ARSB: variants seen among roughly 807,000 people sequenced by gnomAD.
The protein encoded by ARSB is arylsulfatase B, also known as N-acetylgalactosamine-4-sulfatase.
In ARSB, 41 loss-of-function variants were observed where a neutral mutation model predicts 50.9. That is an observed-to-expected ratio of 0.81 (90% CI 0.63 to 1.04). The LOEUF is 1.04. Among genes scored for constraint, ARSB ranks in the 50% least tolerant of loss-of-function variants. The pLI is 0.00. For missense variants in ARSB, 672 were observed against 693.3 expected, an observed-to-expected ratio of 0.97 and a Z score of 0.35; for synonymous variants, 269 against 284.8, an observed-to-expected ratio of 0.94 and a Z score of 0.56.
At chr5:78,786,755 G>A (rs977347192) in intron 6 of ARSB, among the ~76,000 whole-genome samples, 6 of 152,122 alleles carry the variant, frequency 3.9e-5, no homozygotes, top group African/African-American at 1.4e-4. Flanking sequence ...GAATAGCGGG[G>A]ACTACAGGCA....
chr5:78,984,269 A>G (rs979095220), intron 1 of ARSB, among the ~76,000 whole-genome samples: 1 of 152,244 alleles, frequency 6.6e-6, no homozygotes, highest in South Asian at 2.1e-4. Context: ...GCCATCTAAC[A>G]TCTATGCACG....
At chr5:78,982,876 G>T (rs989302501) in intron 1 of ARSB, among the ~76,000 whole-genome samples, 1 of 152,168 alleles carries the variant, frequency 6.6e-6, no homozygotes, top group Admixed American at 6.5e-5. Context: ...GGCTGCTTTA[G>T]AATCAGCTAC....
At chr5:78,914,555 C>A (rs1749455821) in intron 4 of ARSB, among the ~76,000 whole-genome samples, 1 of 152,194 alleles carries the variant, frequency 6.6e-6, no homozygotes, top group Non-Finnish European at 1.5e-5. Flanking sequence ...AATGTGACCA[C>A]CAATCCTTCT....
intron 4 of ARSB, among the ~76,000 whole-genome samples, chr5:78,926,299 CT>C (rs1750047246): frequency 6.6e-6 from 1 of 152,176 alleles, no homozygotes; most frequent in African/African-American, 2.4e-5. Context: ...GAAAGGCTTT[CT>C]TTCCCCATTC....
intron 4 of ARSB, among the ~76,000 whole-genome samples, chr5:78,911,824 G>A (rs1384753408): frequency 6.6e-6 from 1 of 152,126 alleles, no homozygotes; most frequent in Non-Finnish European, 1.5e-5. Flanking sequence ...ATGAGGTCAA[G>A]ATAGATTAAA....
chr5:78,841,168 C>A (rs6871828), intron 5 of ARSB, among the ~76,000 whole-genome samples: 43,182 of 131,420 alleles, frequency 0.33, 6,992 homozygotes, highest in Non-Finnish European at 0.36. Flanking sequence ...ACTACTACTA[C>A]TAATAATAAT....
chr5:78,830,241 A>T (rs1390226323), intron 6 of ARSB, among the ~76,000 whole-genome samples: 1 of 152,200 alleles, frequency 6.6e-6, no homozygotes, highest in Non-Finnish European at 1.5e-5. Context: ...CCCTGGGGAA[A>T]AAAAAACAAA....
At chr5:78,911,489 G>A (rs1366435238) in intron 4 of ARSB, among the ~76,000 whole-genome samples, 16 of 142,568 alleles carry the variant, frequency 1.1e-4, no homozygotes, top group Middle Eastern at 3.4e-3. Flanking sequence ...CACTAGAATC[G>A]CTTGAAACCA....
intron 6 of ARSB, among the ~76,000 whole-genome samples, chr5:78,834,756 T>C (rs35036564): frequency 0.23 from 34,018 of 150,714 alleles, 4,208 homozygotes; most frequent in Non-Finnish European, 0.27. Flanking sequence ...AGTGTACAAA[T>C]ACCTGTTCAA....
chr5:78,908,147 T>A (rs4704535), intron 4 of ARSB, among the ~76,000 whole-genome samples: 48,938 of 151,912 alleles, frequency 0.32, 8,339 homozygotes, highest in African/African-American at 0.43. Flanking sequence ...TGCAACGTTA[T>A]TGCTCACCTG....
At chr5:78,826,147 AG>A (rs1421986435) in intron 6 of ARSB, among the ~76,000 whole-genome samples, 2 of 151,910 alleles carry the variant, frequency 1.3e-5, no homozygotes, top group Non-Finnish European at 2.9e-5. Context: ...CCTGAGTTCA[AG>A]GGATTCTTCT....
chr5:78,907,152 C>T (rs143637905), intron 4 of ARSB, among the ~76,000 whole-genome samples: 128 of 152,250 alleles, frequency 8.4e-4, no homozygotes, highest in East Asian at 4.6e-3. Flanking sequence ...ACACGGAGGC[C>T]GTTCAAGCCC....
intron 6 of ARSB, among the ~76,000 whole-genome samples, chr5:78,830,038 G>A (rs1168546310): frequency 6.6e-6 from 1 of 152,238 alleles, no homozygotes; most frequent in East Asian, 1.9e-4. Flanking sequence ...CACTGGACCT[G>A]AGAGGGACTG....
At chr5:78,977,162 TC>T (rs1044853505) in intron 1 of ARSB, among the ~76,000 whole-genome samples, 1 of 141,282 alleles carries the variant, frequency 7.1e-6, no homozygotes, top group African/African-American at 3.0e-5. Context: ...TTTCCCCACT[TC>T]CCCCCCGCGA....
At chr5:78,968,315 TTTATTATTATTATTATTA>T (rs138887783) in intron 2 of ARSB, among the ~76,000 whole-genome samples, 30 of 143,166 alleles carry the variant, frequency 2.1e-4, no homozygotes, top group Middle Eastern at 3.6e-3. Flanking sequence ...CATTTTTTAT[TTTATTATTATTATTATTA>T]TTATTATTAT....
chr5:78,970,245 CAT>C (rs1361356674), intron 1 of ARSB, among the ~76,000 whole-genome samples: 4 of 151,934 alleles, frequency 2.6e-5, no homozygotes, highest in African/African-American at 9.7e-5. Context: ...AATAATATAT[CAT>C]AACAGGTTAA....
intron 2 of ARSB, among the ~76,000 whole-genome samples, chr5:78,966,570 G>A (rs1752214626): frequency 6.6e-6 from 1 of 152,224 alleles, no homozygotes; most frequent in Middle Eastern, 3.2e-3. Context: ...GAAGAGCTGT[G>A]TGGTCATCAT....
intron 6 of ARSB, among the ~76,000 whole-genome samples, chr5:78,784,896 T>C (rs1349378767): frequency 6.6e-6 from 1 of 151,728 alleles, no homozygotes; most frequent in Non-Finnish European, 1.5e-5. Flanking sequence ...CCTCTGGAGT[T>C]CAAGCAATTC....
chr5:78,938,624 A>G (rs1298629166), intron 4 of ARSB, among the ~76,000 whole-genome samples: 2 of 152,210 alleles, frequency 1.3e-5, no homozygotes, highest in African/African-American at 4.8e-5. Context: ...CAGAATTTCT[A>G]TAATATTTTA....
Sources: allele counts gnomAD v4.1 joint callset (sites outside exome capture counted in the v4.1 genomes callset), GRCh38; gene constraint gnomAD v4.1.1; transcripts MANE v1.5; gene names NCBI Gene and HGNC (gene_info 2026-07-23, HGNC 2026-07-21).